RTN4RL1: variants seen among roughly 807,000 people sequenced by gnomAD.
The protein encoded by RTN4RL1 is reticulon 4 receptor like 1, also known as reticulon-4 receptor-like 1.
A neutral mutation model predicts 25.6 loss-of-function variants in RTN4RL1; 7 were observed. The ratio of observed to expected loss-of-function variants is 0.27; its 90% CI spans 0.16 to 0.51. The LOEUF (loss-of-function observed/expected upper bound fraction) is 0.51. Among genes scored for constraint, RTN4RL1 ranks in the 20% least tolerant of loss-of-function variants. RTN4RL1 has a pLI of 0.97. For missense variants in RTN4RL1, 500 were observed against 615.6 expected, an observed-to-expected ratio of 0.81 and a Z score of 1.99; for synonymous variants, 297 against 288.2, an observed-to-expected ratio of 1.03 and a Z score of -0.31.
intron 1 of RTN4RL1, chr17:2,019,963 C>G (rs2067179624): frequency 6.6e-6 from 1 of 152,250 alleles, no homozygotes; most frequent in African/African-American, 2.4e-5. Flanking sequence ...AAAATGCATG[C>G]ATGGGCTTTA....
intron 1 of RTN4RL1, chr17:1,995,795 G>A (rs2066926949): frequency 6.6e-6 from 1 of 152,264 alleles, no homozygotes; most frequent in South Asian, 2.1e-4. Flanking sequence ...TGGCCTATGT[G>A]CCGAGCAACC....
intron 1 of RTN4RL1, among the ~76,000 whole-genome samples, chr17:1,975,237 T>C (rs2066837911): frequency 6.6e-6 from 1 of 152,210 alleles, no homozygotes; most frequent in South Asian, 2.1e-4. Context: ...TTACCTAAAA[T>C]GTCCCAAACA....
chr17:2,021,402 A>T (rs974308981), intron 1 of RTN4RL1, among the ~76,000 whole-genome samples: 4 of 152,046 alleles, frequency 2.6e-5, no homozygotes, highest in African/African-American at 9.7e-5. Flanking sequence ...TTCCCACAGG[A>T]TCTAGGGAGG....
intron 1 of RTN4RL1, among the ~76,000 whole-genome samples, chr17:1,966,614 G>A (rs181095574): frequency 4.6e-5 from 7 of 152,080 alleles, no homozygotes; most frequent in African/African-American, 1.7e-4. Context: ...TCTGTCTTGG[G>A]GTTCCCTGTC....
At chr17:1,986,162 CCA>C (rs1339603358) in intron 1 of RTN4RL1, among the ~76,000 whole-genome samples, 5 of 152,070 alleles carry the variant, frequency 3.3e-5, no homozygotes, top group African/African-American at 1.2e-4. Context: ...GATCTGGGGT[CCA>C]CAGAGTCATA....
At chr17:2,016,792 C>G (rs571974902) in intron 1 of RTN4RL1, among the ~76,000 whole-genome samples, 3 of 152,354 alleles carry the variant, frequency 2.0e-5, no homozygotes, top group Admixed American at 2.0e-4. Context: ...CCTCACTGGC[C>G]ATCAAGTGAC....
intron 1 of RTN4RL1, among the ~76,000 whole-genome samples, chr17:2,000,077 C>T (rs564229856): frequency 6.6e-6 from 1 of 152,370 alleles, no homozygotes; most frequent in Admixed American, 6.5e-5. Context: ...GGAGGGAAGC[C>T]TGCCTGGGCC....
At chr17:1,966,486 GACCCGGA>G (rs1189979616) in intron 1 of RTN4RL1, among the ~76,000 whole-genome samples, 14 of 152,196 alleles carry the variant, frequency 9.2e-5, no homozygotes, top group Admixed American at 9.2e-4. Context: ...AGAGGATTCT[GACCCGGA>G]ATCCAAGGAG....
rs34138766 is a variant in RTN4RL1, at chr17:1,964,788, C to CTTTT, written c.14-26984_14-26981dup. ...TTACAGTTTGCATTTCTTTTCTTTT[C>CTTTT]TTTTTTTTTTTTTTTTTTGAGATGG... On this transcript the variant is annotated intron_variant, in intron 1 of 1. Coordinates refer to ENST00000331238, the MANE Select transcript of RTN4RL1 (RefSeq NM_178568.4). 1.0e-4 allele frequency among the ~76,000 whole-genome samples: 13 copies of CTTTT among 124,710 alleles called. 1 individual carries two copies. Among genetic ancestry groups the CTTTT allele is most frequent in the East Asian group, 2.3e-4 (1 of 4,298 alleles). 81.8% of individuals were successfully genotyped at this position (124,710 alleles called of 152,430 possible). A position where few individuals can be genotyped will look rare whatever the true frequency, so the allele number is the denominator to read the frequency against.
At chr17:1,996,530 TC>T (rs1398512697) in intron 1 of RTN4RL1, among the ~76,000 whole-genome samples, 1 of 152,116 alleles carries the variant, frequency 6.6e-6, no homozygotes, top group Non-Finnish European at 1.5e-5. Flanking sequence ...CCGGATGTGA[TC>T]CTCGCTGCCT....
In RTN4RL1 at chr17:1,935,997, G is replaced by C. The variant is rs987853275; in HGVS notation, c.*499C>G. 6.1e-6 allele frequency: 6 copies of C among 987,394 alleles called. No homozygotes were observed. Among genetic ancestry groups the C allele is most frequent in the Non-Finnish European group, 7.2e-6 (6 of 831,234 alleles). 61.2% of individuals were successfully genotyped at this position (987,394 alleles called of 1,614,324 possible). A position where few individuals can be genotyped will look rare whatever the true frequency, so the allele number is the denominator to read the frequency against. On this transcript the variant is annotated 3_prime_UTR_variant, in exon 2 of 2. Coordinates refer to ENST00000331238, the MANE Select transcript of RTN4RL1 (RefSeq NM_178568.4). ...AGTAGGATAGAATTCAGGGCAGGGT[G>C]ACTGGCCTCAGGCAAGAGCCAAGAT...
At chr17:1,991,118 G>A (rs1024449946) in intron 1 of RTN4RL1, among the ~76,000 whole-genome samples, 11 of 152,142 alleles carry the variant, frequency 7.2e-5, no homozygotes, top group Admixed American at 4.6e-4. Context: ...AACATTTATC[G>A]AGCATCTCAG....
At chr17:2,019,491 G>A (rs1242621152) in intron 1 of RTN4RL1, 1 of 152,216 alleles carries the variant, frequency 6.6e-6, no homozygotes, top group Non-Finnish European at 1.5e-5. Context: ...GCTTGGAGTT[G>A]GATTCGCCCC....
chr17:1,943,170 C>G (rs1270552014), intron 1 of RTN4RL1, among the ~76,000 whole-genome samples: 1 of 152,236 alleles, frequency 6.6e-6, no homozygotes, highest in Non-Finnish European at 1.5e-5. Flanking sequence ...CTCAGGACAG[C>G]CCCCATTTCA....
chr17:1,952,198 C>T (rs867762511), intron 1 of RTN4RL1, among the ~76,000 whole-genome samples: 3 of 152,136 alleles, frequency 2.0e-5, no homozygotes, highest in South Asian at 2.1e-4. Context: ...CCATCATGCA[C>T]GAATACCCCC....
intron 1 of RTN4RL1, among the ~76,000 whole-genome samples, chr17:1,945,958 C>T (rs953719738): frequency 7.2e-5 from 11 of 152,024 alleles, no homozygotes; most frequent in Admixed American, 3.9e-4. Context: ...AACAGAGGGG[C>T]GCTTACCCAA....
intron 1 of RTN4RL1, among the ~76,000 whole-genome samples, chr17:1,999,142 TACACACACAC>T (rs147931732): frequency 1.4e-5 from 2 of 147,946 alleles, no homozygotes; most frequent in Admixed American, 6.7e-5. Flanking sequence ...GTGCTCATCA[TACACACACAC>T]ACACACACAC....
intron 1 of RTN4RL1, among the ~76,000 whole-genome samples, chr17:1,996,811 G>A (rs2066931394): frequency 6.6e-6 from 1 of 152,202 alleles, no homozygotes; most frequent in Non-Finnish European, 1.5e-5. Context: ...GCTGCCCACT[G>A]TGGAGTCTGG....
intron 1 of RTN4RL1, among the ~76,000 whole-genome samples, chr17:1,987,123 G>A (rs540880314): frequency 8.5e-5 from 13 of 152,072 alleles, no homozygotes; most frequent in Admixed American, 2.6e-4. Context: ...AGGGAGTTTG[G>A]GCCACCCATG....
Sources: gnomAD v4.1 joint callset for allele counts (sites outside exome capture counted in the v4.1 genomes callset) on GRCh38, gnomAD v4.1.1 for gene constraint, MANE v1.5 for transcripts, NCBI Gene and HGNC (gene_info 2026-07-23, HGNC 2026-07-21) for gene names.